Variants in SHANK2 observed in about 807,000 individuals in gnomAD.
SHANK2 encodes SH3 and multiple ankyrin repeat domains protein 2.
Under a neutral mutation model 133.7 loss-of-function variants are expected in SHANK2, and 43 were observed. The ratio of observed to expected loss-of-function variants is 0.32; its 90% CI spans 0.25 to 0.41. SHANK2 has a LOEUF of 0.41. SHANK2 is among the 10% of genes least tolerant of loss of function. The pLI is 1.00. For synonymous variants in SHANK2, 1,017 were observed against 952.8 expected (o/e 1.07, Z -1.24); for missense variants, 1,994 against 2,235.8 (o/e 0.89, Z 2.18).
chr11:70,764,787 CT>C (rs1947081909), intron 14 of SHANK2, among the ~76,000 whole-genome samples: 1 of 151,538 alleles, frequency 6.6e-6, no homozygotes, highest in South Asian at 2.1e-4. Flanking sequence ...CATCCATCCA[CT>C]CACACATCCA....
chr11:70,816,187 T>C (rs1180040754), intron 12 of SHANK2, among the ~76,000 whole-genome samples: 1 of 152,254 alleles, frequency 6.6e-6, no homozygotes, highest in African/African-American at 2.4e-5. Context: ...GGCCAGGTGC[T>C]GAAAGCCACT....
intron 14 of SHANK2, among the ~76,000 whole-genome samples, chr11:70,718,692 C>T (rs1946006764): frequency 1.0e-5 from 1 of 99,984 alleles, no homozygotes; most frequent in Admixed American, 9.3e-5. Flanking sequence ...TTTGATAGAG[C>T]TCATTCTCTT....
intron 3 of SHANK2, among the ~76,000 whole-genome samples, chr11:71,121,094 C>T (rs1193142485): frequency 6.6e-6 from 1 of 152,204 alleles, no homozygotes; most frequent in African/African-American, 2.4e-5. Flanking sequence ...CCTTGAGAAT[C>T]ATCTAGAAGG....
intron 24 of SHANK2, among the ~76,000 whole-genome samples, chr11:70,488,687 G>A (rs565413991): frequency 6.6e-6 from 1 of 152,372 alleles, no homozygotes. Flanking sequence ...AGCCCTGAAA[G>A]TGGTCCTGCC....
At chr11:70,764,923 G>A (rs1947086880) in intron 14 of SHANK2, among the ~76,000 whole-genome samples, 2 of 152,232 alleles carry the variant, frequency 1.3e-5, no homozygotes, top group South Asian at 4.1e-4. Context: ...AGGCACTGAT[G>A]AATCAGAGAG....
At position 70,492,787 on chromosome 11, in the gene SHANK2, G is replaced by GTTT. The variant is rs34452642; in HGVS notation, c.2309-325_2309-323dup. Among the ~76,000 whole-genome samples, 116 of 70,592 alleles carry GTTT rather than the reference G, an allele frequency of 1.6e-3. 10 individuals carry two copies. Among genetic ancestry groups the GTTT allele is most frequent in the East Asian group, 6.0e-3 (12 of 2,002 alleles). The allele number at this position is 70,592 out of a possible 152,430, so 46.3% of individuals were successfully genotyped here. A position where few individuals can be genotyped will look rare whatever the true frequency, so the allele number is the denominator to read the frequency against. ...TTTCTGTTTTTTGGGACATTTCTGT[G>GTTT]TTTTTTTTTTTTTTTTTTTTTTTTT... On this transcript the variant is annotated intron_variant, in intron 21 of 25. Coordinates refer to ENST00000601538, the MANE Select transcript of SHANK2 (RefSeq NM_012309.5).
chr11:70,900,998 CAG>C (rs1950014472), intron 10 of SHANK2, among the ~76,000 whole-genome samples: 1 of 152,170 alleles, frequency 6.6e-6, no homozygotes, highest in Admixed American at 6.5e-5. Context: ...ATACTCACAG[CAG>C]AGACACAGCC....
chr11:71,140,839 C>T (rs546439500), intron 3 of SHANK2, among the ~76,000 whole-genome samples: 138 of 152,354 alleles, frequency 9.1e-4, no homozygotes, highest in African/African-American at 3.2e-3. Flanking sequence ...CTGCTTCCCA[C>T]GCAGCGCTGC....
chr11:70,860,116 T>C (rs1424177012), intron 11 of SHANK2, among the ~76,000 whole-genome samples: 5 of 152,172 alleles, frequency 3.3e-5, no homozygotes, highest in African/African-American at 1.2e-4. Context: ...CTTCACATGG[T>C]AGGAGTCCCT....
chr11:70,818,379 C>T (rs1322625783), intron 12 of SHANK2, among the ~76,000 whole-genome samples: 1 of 152,148 alleles, frequency 6.6e-6, no homozygotes, highest in Non-Finnish European at 1.5e-5. Flanking sequence ...AACAGGGAAA[C>T]AGGGATGGTC....
intron 25 of SHANK2, among the ~76,000 whole-genome samples, chr11:70,483,371 A>G (rs1418148350): frequency 6.6e-6 from 1 of 151,976 alleles, no homozygotes; most frequent in African/African-American, 2.4e-5. Context: ...GAGCCACATT[A>G]GTATGTAATG....
intron 11 of SHANK2, among the ~76,000 whole-genome samples, chr11:70,890,564 C>T (rs1949824695): frequency 6.6e-6 from 1 of 151,858 alleles, no homozygotes; most frequent in South Asian, 2.1e-4. Context: ...CTTTGGGAGG[C>T]TGAGGCGGGC....
rs184693817 is a variant in SHANK2, at chr11:70,599,765, C to G, written c.2061+60063G>C. On this transcript the variant is annotated intron_variant, in intron 17 of 25. Coordinates refer to ENST00000601538, the MANE Select transcript of SHANK2 (RefSeq NM_012309.5). ...TGAGATTGTGCCATTGCACTCCAGC[C>G]CGGGTTACAGTGTGAGATTCTGAAA... 1.3e-4 allele frequency among the ~76,000 whole-genome samples: 19 copies of G among 148,602 alleles called. No homozygotes were observed. In the East Asian group the frequency reaches 3.2e-3, roughly 25 times the overall value.
chr11:71,102,345 C>T (rs1380061487), intron 6 of SHANK2, among the ~76,000 whole-genome samples: 1 of 152,056 alleles, frequency 6.6e-6, no homozygotes, highest in East Asian at 1.9e-4. Flanking sequence ...TGCAATCACA[C>T]AGGCTGTTTT....
intron 6 of SHANK2, among the ~76,000 whole-genome samples, chr11:71,107,259 T>C (rs2135200824): frequency 6.6e-6 from 1 of 152,222 alleles, no homozygotes; most frequent in East Asian, 1.9e-4. Context: ...CAGGCATTCT[T>C]CCCTGCACGC....
At chr11:70,681,150 G>C (rs1479257707) in intron 15 of SHANK2, among the ~76,000 whole-genome samples, 2 of 152,252 alleles carry the variant, frequency 1.3e-5, no homozygotes, top group South Asian at 2.1e-4. Flanking sequence ...CTGCTGGGAG[G>C]GTCCTGCCTC....
rs989158263 is a variant in SHANK2 at position 70,929,225 on chromosome 11, G to A, written c.1108-32658C>T. Among the ~76,000 whole-genome samples, 7 of 152,196 alleles carry A rather than the reference G, an allele frequency of 4.6e-5. No individual in the cohort carries two copies. In the East Asian group the frequency reaches 1.3e-3, roughly 29 times the overall value. On this transcript the variant is annotated intron_variant, in intron 10 of 25. Coordinates refer to ENST00000601538, the MANE Select transcript of SHANK2 (RefSeq NM_012309.5). Reference sequence around the variant, plus strand: ...ATCTGAGGGGTAGAATGGAGAGACAGGATGCCGAGGTTTAAATGTGGCTCT... The same window carrying A: ...ATCTGAGGGGTAGAATGGAGAGACAAGATGCCGAGGTTTAAATGTGGCTCT...
At chr11:71,114,109 T>C (rs1565458988) in intron 4 of SHANK2, among the ~76,000 whole-genome samples, 1 of 152,150 alleles carries the variant, frequency 6.6e-6, no homozygotes. Context: ...TCTGTTCCAA[T>C]CCCAGCCCTA....
At chr11:70,651,843 G>T (rs1254646113) in intron 17 of SHANK2, among the ~76,000 whole-genome samples, 2 of 152,306 alleles carry the variant, frequency 1.3e-5, no homozygotes, top group East Asian at 3.9e-4. Context: ...CTTTAACTTG[G>T]TTATTAAGTA....
Sources: allele counts gnomAD v4.1 joint callset (sites outside exome capture counted in the v4.1 genomes callset), GRCh38; gene constraint gnomAD v4.1.1; transcripts MANE v1.5; gene names NCBI Gene and HGNC (gene_info 2026-07-23, HGNC 2026-07-21).